Variants in RIN2 observed in about 807,000 individuals in gnomAD.
The protein encoded by RIN2 is Ras and Rab interactor 2, also known as RAB5 interacting protein 2.
In RIN2, 36 loss-of-function variants were observed where a neutral mutation model predicts 78.0. That is an observed-to-expected ratio of 0.46 (90% CI 0.35 to 0.61). The LOEUF is 0.61. Among genes scored for constraint, RIN2 ranks in the 20% least tolerant of loss-of-function variants. The probability of loss-of-function intolerance (pLI) is 0.00; values close to 1 mark genes in which losing one functional copy is unlikely to be tolerated. For synonymous variants in RIN2, 466 were observed against 466.8 expected (o/e 1.00, Z 0.02); for missense variants, 1,087 against 1,159.7 (o/e 0.94, Z 0.91).
At chr20:19,891,058 T>C (rs892876648) in intron 3 of RIN2, among the ~76,000 whole-genome samples, 5 of 152,122 alleles carry the variant, frequency 3.3e-5, no homozygotes. Context: ...CAACAAACAG[T>C]GAAGTTATTT....
At chr20:19,916,599 CAAAAAAT>C (rs978224473) in intron 3 of RIN2, among the ~76,000 whole-genome samples, 1 of 152,018 alleles carries the variant, frequency 6.6e-6, no homozygotes, top group Non-Finnish European at 1.5e-5. Flanking sequence ...AGATCCTGTC[CAAAAAAT>C]AAAAAATAAA....
At chr20:19,951,612 T>C (rs1290656763) in intron 4 of RIN2, among the ~76,000 whole-genome samples, 1 of 151,556 alleles carries the variant, frequency 6.6e-6, no homozygotes, top group East Asian at 2.0e-4. Context: ...ACTATGACTA[T>C]CCTATTTCCT....
intron 1 of RIN2, among the ~76,000 whole-genome samples, chr20:19,781,181 A>AT (rs2034490291): frequency 6.6e-6 from 1 of 152,192 alleles, no homozygotes; most frequent in African/African-American, 2.4e-5. Flanking sequence ...AGGGTGGCAT[A>AT]TGTCACTTCC....
chr20:19,957,970 C>T (rs2041608039), intron 5 of RIN2, among the ~76,000 whole-genome samples: 1 of 152,132 alleles, frequency 6.6e-6, no homozygotes, highest in African/African-American at 2.4e-5. Flanking sequence ...ATACTTAACA[C>T]GCAACACAAG....
intron 9 of RIN2, among the ~76,000 whole-genome samples, chr20:19,976,237 TCACGTATGCATTGGAATGAGTTTC>T (rs879596308): frequency 4.3e-4 from 66 of 152,260 alleles, no homozygotes; most frequent in Non-Finnish European, 6.5e-4. Context: ...AGCACAAAAC[TCACGTATGCATTGGAATGAGTTTC>T]CACCGCAAGC....
Position 19,783,563 on chromosome 20 carries a change from G to A in RIN2, c.-162-16059G>A, listed in dbSNP as rs867577792. Among the ~76,000 whole-genome samples the A allele has an allele frequency of 2.0e-5, 3 of 151,924 alleles. 1 individual carries two copies. The highest frequency in any genetic ancestry group is 4.1e-4 in the South Asian group (2 of 4,826). On this transcript the variant is annotated intron_variant, in intron 1 of 12. Coordinates refer to ENST00000255006, the MANE Select transcript of RIN2 (RefSeq NM_018993.4). ...AGGCCCTGAGCTGGGGAGCTGTCTG[G>A]ATCTGAATTCCTCCCGAAGCCGGCT...
intron 1 of RIN2, among the ~76,000 whole-genome samples, chr20:19,793,871 A>AG (rs1328986804): frequency 6.6e-6 from 1 of 152,210 alleles, no homozygotes; most frequent in African/African-American, 2.4e-5. Flanking sequence ...GTTGCTAGAT[A>AG]GGGAAGTACA....
At chr20:19,855,830 CT>C (rs1458721902) in intron 2 of RIN2, among the ~76,000 whole-genome samples, 1 of 152,194 alleles carries the variant, frequency 6.6e-6, no homozygotes, top group African/African-American at 2.4e-5. Context: ...AATCCTAGCA[CT>C]TTGGGAGGCC....
At chr20:19,955,498 G>A (rs2041496815) in intron 4 of RIN2, among the ~76,000 whole-genome samples, 1 of 151,990 alleles carries the variant, frequency 6.6e-6, no homozygotes, top group African/African-American at 2.4e-5. Context: ...GACCACACCT[G>A]GCTAATTTTT....
intron 2 of RIN2, among the ~76,000 whole-genome samples, chr20:19,801,833 T>A (rs1285628297): frequency 6.6e-6 from 1 of 152,218 alleles, no homozygotes; most frequent in Non-Finnish European, 1.5e-5. Context: ...AAGTGCATAG[T>A]TCCAGGTATA....
At chr20:19,795,684 G>T (rs115641215) in intron 1 of RIN2, among the ~76,000 whole-genome samples, 2 of 151,912 alleles carry the variant, frequency 1.3e-5, no homozygotes, top group African/African-American at 4.8e-5. Context: ...ATTTTTTTCC[G>T]CCTCCTTAGA....
intron 2 of RIN2, chr20:19,809,090 T>C (rs1413544070): frequency 6.6e-6 from 1 of 152,362 alleles, no homozygotes; most frequent in East Asian, 1.9e-4. Flanking sequence ...AGGACCTAGG[T>C]GAGCTTCTGA....
intron 3 of RIN2, among the ~76,000 whole-genome samples, chr20:19,891,048 CAACA>C (rs2038437012): frequency 6.6e-6 from 1 of 152,170 alleles, no homozygotes; most frequent in South Asian, 2.1e-4. Context: ...ACATTTCCTG[CAACA>C]AACAGTGAAG....
intron 4 of RIN2, among the ~76,000 whole-genome samples, chr20:19,940,871 C>A (rs539694656): frequency 6.6e-6 from 1 of 152,210 alleles, no homozygotes; most frequent in East Asian, 1.9e-4. Flanking sequence ...TATCCTCAGG[C>A]GGAACAGAGG....
chr20:19,859,377 G>T (rs887690255), intron 2 of RIN2, among the ~76,000 whole-genome samples: 8 of 152,218 alleles, frequency 5.3e-5, no homozygotes, highest in Non-Finnish European at 2.9e-5. Flanking sequence ...GTAACATTAG[G>T]CAAGAATAGT....
intron 2 of RIN2, among the ~76,000 whole-genome samples, chr20:19,805,139 C>T (rs2035365175): frequency 6.6e-6 from 1 of 152,174 alleles, no homozygotes; most frequent in Non-Finnish European, 1.5e-5. Context: ...GTGTTAGTTA[C>T]TATTTATTAC....
At chr20:19,870,075 A>AC (rs1163501310) in intron 2 of RIN2, among the ~76,000 whole-genome samples, 1 of 152,140 alleles carries the variant, frequency 6.6e-6, no homozygotes, top group African/African-American at 2.4e-5. Context: ...CAGCCTCTGA[A>AC]CCAGGTTAGA....
At chr20:19,854,576 T>C (rs1463774590) in intron 2 of RIN2, among the ~76,000 whole-genome samples, 2 of 152,226 alleles carry the variant, frequency 1.3e-5, no homozygotes, top group Non-Finnish European at 2.9e-5. Context: ...TTTGTAGTTC[T>C]CCTTGAAGAG....
At chr20:19,941,753 A>C (rs1027977220) in intron 4 of RIN2, among the ~76,000 whole-genome samples, 1 of 152,164 alleles carries the variant, frequency 6.6e-6, no homozygotes, top group African/African-American at 2.4e-5. Flanking sequence ...ATTTCAATGA[A>C]TTCTATGAGG....
Sources: gnomAD v4.1 joint callset for allele counts (sites outside exome capture counted in the v4.1 genomes callset) on GRCh38, gnomAD v4.1.1 for gene constraint, MANE v1.5 for transcripts, NCBI Gene and HGNC (gene_info 2026-07-23, HGNC 2026-07-21) for gene names.